The following HDAC4 variants were observed in gnomAD, a reference collection of about 807,000 sequenced individuals.
The protein encoded by HDAC4 is histone deacetylase 4, also known as histone deacetylase A.
A neutral mutation model predicts 135.1 loss-of-function variants in HDAC4; 16 were observed. That is an observed-to-expected ratio of 0.12 (90% CI 0.08 to 0.18). The LOEUF (loss-of-function observed/expected upper bound fraction) is 0.18. Among genes scored for constraint, HDAC4 ranks in the 10% least tolerant of loss-of-function variants. The pLI is 1.00. For synonymous variants in HDAC4, 685 were observed against 653.4 expected, an observed-to-expected ratio of 1.05 and a Z score of -0.74; for missense variants, 1,143 against 1,511.8, an observed-to-expected ratio of 0.76 and a Z score of 4.05.
intron 22 of HDAC4, 77 bp downstream of exon 22, chr2:239,081,018 C>T: frequency 2.6e-6 from 3 of 1,161,626 alleles, no homozygotes; most frequent in Non-Finnish European, 3.8e-6. Context: ...ACGCTCATCT[C>T]CAACAAGTGC....
At chr2:239,150,256 CAGATACACACACAGAAACAT>C (rs1042273071) in intron 7 of HDAC4, among the ~76,000 whole-genome samples, 1 of 151,850 alleles carries the variant, frequency 6.6e-6, no homozygotes, top group African/African-American at 2.4e-5. Flanking sequence ...CACAGACATA[CAGATACACACACAGAAACAT>C]AGATACACAC....
intron 1 of HDAC4, among the ~76,000 whole-genome samples, chr2:239,361,122 T>G (rs1693839962): frequency 6.6e-6 from 1 of 152,180 alleles, no homozygotes; most frequent in African/African-American, 2.4e-5. Flanking sequence ...AAGTAGTTGT[T>G]TGTTTTCTCA....
chr2:239,188,291 T>C (rs2044685058), intron 4 of HDAC4, among the ~76,000 whole-genome samples: 2 of 152,360 alleles, frequency 1.3e-5, no homozygotes, highest in Admixed American at 6.5e-5. Context: ...CAACTGATAC[T>C]ACTTTACCTC....
chr2:239,182,052 T>C (rs2044185843), intron 4 of HDAC4, among the ~76,000 whole-genome samples: 2 of 152,184 alleles, frequency 1.3e-5, no homozygotes, highest in Admixed American at 6.5e-5. Flanking sequence ...GACAAACATC[T>C]GGGCATGTAC....
intron 8 of HDAC4, among the ~76,000 whole-genome samples, chr2:239,142,403 C>T (rs141075727): frequency 6.6e-6 from 1 of 152,316 alleles, no homozygotes; most frequent in East Asian, 1.9e-4. Flanking sequence ...AGCAGCCTCC[C>T]CATCGTGGCA....
chr2:239,096,842 T>C (rs1041105876), intron 16 of HDAC4, among the ~76,000 whole-genome samples: 2 of 143,632 alleles, frequency 1.4e-5, no homozygotes, highest in Non-Finnish European at 3.1e-5. Flanking sequence ...CAGGCTCTTC[T>C]CACTCTGTGG....
At chr2:239,155,925 C>A (rs77277033) in intron 7 of HDAC4, among the ~76,000 whole-genome samples, 1,782 of 152,324 alleles carry the variant, frequency 0.012, 36 homozygotes, top group African/African-American at 0.04. Flanking sequence ...CTGGAAGGCA[C>A]TCCCTGGCCC....
intron 3 of HDAC4, among the ~76,000 whole-genome samples, chr2:239,206,015 A>G (rs2046024520): frequency 6.6e-6 from 1 of 152,208 alleles, no homozygotes; most frequent in Admixed American, 6.5e-5. Context: ...GAGAAGAAAG[A>G]AATAATTTGT....
intron 16 of HDAC4, among the ~76,000 whole-genome samples, chr2:239,098,647 A>C (rs572762177): frequency 6.6e-6 from 1 of 152,366 alleles, no homozygotes; most frequent in East Asian, 1.9e-4. Context: ...CCACATCAGA[A>C]AGGAAATATG....
At chr2:239,107,991 A>G (rs2038310059) in intron 15 of HDAC4, 59 bp downstream of exon 15, 2 of 1,603,348 alleles carry the variant, frequency 1.2e-6, no homozygotes, top group South Asian at 2.2e-5. Flanking sequence ...CGGGCCCACG[A>G]GGGTCCCCTC....
In HDAC4 at chr2:239,313,744, G is replaced by C. The variant is rs988083405; in HGVS notation, c.22+38934C>G. ...CTTCACGCCTGGCAATATGGCACAC[G>C]CACTTTTAGAGACGTCTAATTATAC... On this transcript the variant is annotated intron_variant, in intron 2 of 26. Coordinates refer to ENST00000543185, the MANE Select transcript of HDAC4 (RefSeq NM_001378414.1). This position sits in a 1 kb window ranked among gnomAD's most constrained non-coding sequence, Gnocchi z 5.1. Among the ~76,000 whole-genome samples the C allele has an allele frequency of 6.6e-6, 1 of 152,186 alleles. No individual in the cohort carries two copies. The highest frequency in any genetic ancestry group is 1.9e-4 in the East Asian group (1 of 5,184).
chr2:239,386,142 A>C (rs756789680), intron 1 of HDAC4, among the ~76,000 whole-genome samples: 6 of 151,584 alleles, frequency 4.0e-5, no homozygotes, highest in Non-Finnish European at 5.9e-5. Context: ...AGGAAGGCTG[A>C]GAGTCGGAGC....
intron 3 of HDAC4, among the ~76,000 whole-genome samples, chr2:239,233,762 C>T (rs1048872295): frequency 3.9e-5 from 6 of 152,168 alleles, no homozygotes; most frequent in African/African-American, 7.2e-5. Context: ...GAGGGCTGCC[C>T]GGGCGCCCTT....
At chr2:239,284,672 G>T (rs1283026575) in intron 2 of HDAC4, among the ~76,000 whole-genome samples, 1 of 152,174 alleles carries the variant, frequency 6.6e-6, no homozygotes, top group African/African-American at 2.4e-5. Context: ...GACTGGGTGG[G>T]AGGTGGGGCC....
intron 2 of HDAC4, among the ~76,000 whole-genome samples, chr2:239,261,498 C>T (rs2049364917): frequency 6.6e-6 from 1 of 152,124 alleles, no homozygotes. Flanking sequence ...ATCCATGGGG[C>T]ATCCTAGGAC....
rs939306176 is a variant in HDAC4, at chr2:239,127,642, C to T, written c.1295-948G>A. On this transcript the variant is annotated intron_variant, in intron 11 of 26. Transcript: ENST00000543185. Reference sequence around the variant, plus strand: ...CCTGACCCGCTCAAGGGCATCTGACCGGGTGAAATGACAAAGGAAGTAACC... The same window carrying T: ...CCTGACCCGCTCAAGGGCATCTGACTGGGTGAAATGACAAAGGAAGTAACC... Among the ~76,000 whole-genome samples, 8 of 152,184 alleles carry T rather than the reference C, an allele frequency of 5.3e-5. No individual in the cohort carries two copies. In the South Asian group the frequency reaches 6.2e-4, roughly 12 times the overall value.
At chr2:239,107,881 T>G (rs1359566002) in intron 15 of HDAC4, among the ~76,000 whole-genome samples, 169 bp downstream of exon 15, 2 of 152,192 alleles carry the variant, frequency 1.3e-5, no homozygotes, top group Non-Finnish European at 2.9e-5. Flanking sequence ...TCTCAGCAGA[T>G]AGCTGCCCGC....
Position 239,331,891 on chromosome 2 carries a change from G to A in HDAC4, c.22+20787C>T, listed in dbSNP as rs956515934. Among the ~76,000 whole-genome samples, 21 of 152,172 alleles carry A rather than the reference G, an allele frequency of 1.4e-4. No individual in the cohort carries two copies. The highest frequency in any genetic ancestry group is 4.6e-4 in the Admixed American group (7 of 15,280). ...CTGGGAAACGAACGCCAGACTGAGC[G>A]TGGGGGTGAGGAGAGCCCCGTGCCA... On this transcript the variant is annotated intron_variant, in intron 2 of 26. Coordinates refer to ENST00000543185, the MANE Select transcript of HDAC4 (RefSeq NM_001378414.1). This position sits in a 1 kb window ranked among gnomAD's most constrained non-coding sequence, Gnocchi z 4.5.
chr2:239,227,124 C>T (rs905311030), intron 3 of HDAC4, among the ~76,000 whole-genome samples: 11 of 152,218 alleles, frequency 7.2e-5, no homozygotes, highest in South Asian at 2.1e-4. Context: ...AGACCAGTCT[C>T]GGTCACACAG....
Sources: allele counts gnomAD v4.1 joint callset (sites outside exome capture counted in the v4.1 genomes callset), GRCh38; gene constraint gnomAD v4.1.1; non-coding constraint Gnocchi (gnomAD v3.1); transcripts MANE v1.5; gene names NCBI Gene and HGNC (gene_info 2026-07-23, HGNC 2026-07-21).